Variants in PLA2G5 observed in about 807,000 individuals in gnomAD.
PLA2G5 encodes phospholipase A2 group V, also known as Ca2+-dependent phospholipase A2.
A neutral mutation model predicts 15.9 loss-of-function variants in PLA2G5; 12 were observed. The observed-to-expected ratio is 0.76, with a 90% CI of 0.48 to 1.23. The LOEUF is 1.23. PLA2G5 is among the 50% of genes most tolerant of loss of function. PLA2G5 has a pLI of 0.00. For synonymous variants in PLA2G5, 71 were observed against 71.4 expected (o/e 0.99, Z 0.03); for missense variants, 169 against 177.1 (o/e 0.95, Z 0.26).
At chr1:20,029,854 T>C (rs2012819712) in intron 1 of PLA2G5, among the ~76,000 whole-genome samples, 1 of 152,204 alleles carries the variant, frequency 6.6e-6, no homozygotes, top group Non-Finnish European at 1.5e-5. Flanking sequence ...GTGTGTATGT[T>C]CCTGACCAAC....
At chr1:20,086,011 G>A in intron 2 of PLA2G5, 72 bp from the exon 3 acceptor site, 1 of 1,513,814 alleles carries the variant, frequency 6.6e-7, no homozygotes, top group Non-Finnish European at 9.1e-7. Context: ...AAGGGTAGGA[G>A]ATGTTGGGCA....
At chr1:20,089,212 T>C (rs2016442959) in intron 3 of PLA2G5, among the ~76,000 whole-genome samples, 1 of 152,246 alleles carries the variant, frequency 6.6e-6, no homozygotes, top group Non-Finnish European at 1.5e-5. Context: ...AAAAAGACTG[T>C]ACATGTTTAG....
intron 1 of PLA2G5, among the ~76,000 whole-genome samples, chr1:20,078,643 A>G (rs2015830024): frequency 1.3e-5 from 2 of 152,148 alleles, no homozygotes. Flanking sequence ...CACTTCATAA[A>G]TATTTTTGAT....
At chr1:20,072,259 T>G (rs1007894040) in intron 1 of PLA2G5, among the ~76,000 whole-genome samples, 9 of 152,208 alleles carry the variant, frequency 5.9e-5, no homozygotes, top group African/African-American at 2.2e-4. Context: ...ACTTATTCGC[T>G]TGTCTATTTC....
At chr1:20,057,781 G>A (rs563819569) in intron 1 of PLA2G5, among the ~76,000 whole-genome samples, 22 of 152,304 alleles carry the variant, frequency 1.4e-4, no homozygotes, top group Middle Eastern at 3.4e-3. Context: ...TTACAGGCAT[G>A]AGCCACCGCA....
chr1:20,079,138 C>T (rs1404450171), intron 1 of PLA2G5, among the ~76,000 whole-genome samples: 2 of 141,592 alleles, frequency 1.4e-5, no homozygotes, highest in Admixed American at 1.4e-4. Flanking sequence ...AAAAAAAATC[C>T]AAGTCTTCTC....
intron 1 of PLA2G5, among the ~76,000 whole-genome samples, chr1:20,030,888 C>T (rs1223391988): frequency 6.6e-6 from 1 of 152,202 alleles, no homozygotes; most frequent in Non-Finnish European, 1.5e-5. Context: ...AGGGTTGGGG[C>T]TAAAGTTACA....
At chr1:20,087,276 A>G (rs556475658) in intron 3 of PLA2G5, among the ~76,000 whole-genome samples, 1 of 152,356 alleles carries the variant, frequency 6.6e-6, no homozygotes, top group East Asian at 1.9e-4. Flanking sequence ...GCAATCTGCT[A>G]CACCTAACAT....
chr1:20,059,362 T>G (rs1024633644), intron 1 of PLA2G5, among the ~76,000 whole-genome samples: 1 of 151,710 alleles, frequency 6.6e-6, no homozygotes, highest in Non-Finnish European at 1.5e-5. Context: ...TAGGACATCA[T>G]GGCTGCAGTG....
At chr1:20,063,933 T>C (rs2014878129) in intron 2 of PLA2G5, among the ~76,000 whole-genome samples, 1 of 152,190 alleles carries the variant, frequency 6.6e-6, no homozygotes, top group South Asian at 2.1e-4. Flanking sequence ...AAGCAGCATG[T>C]TCTTACTGAC....
chr1:20,057,735 G>T (rs186912705), intron 1 of PLA2G5, among the ~76,000 whole-genome samples: 2 of 152,172 alleles, frequency 1.3e-5, no homozygotes, highest in African/African-American at 4.8e-5. Flanking sequence ...CTGACCTCAG[G>T]TGATTCACCT....
intron 1 of PLA2G5, among the ~76,000 whole-genome samples, chr1:20,030,818 C>T (rs1424236151): frequency 6.6e-6 from 1 of 152,190 alleles, no homozygotes; most frequent in Non-Finnish European, 1.5e-5. Context: ...CAAAGGACAT[C>T]CTGCACAGCC....
intron 1 of PLA2G5, among the ~76,000 whole-genome samples, chr1:20,035,796 G>A (rs936208481): frequency 4.6e-5 from 7 of 152,066 alleles, no homozygotes; most frequent in Non-Finnish European, 7.4e-5. Context: ...TTTTTATTTT[G>A]TTTTTTTATT....
chr1:20,044,463 C>T (rs1434506747), intron 1 of PLA2G5, among the ~76,000 whole-genome samples: 1 of 152,110 alleles, frequency 6.6e-6, no homozygotes, highest in Admixed American at 6.6e-5. Flanking sequence ...AATAAGACAG[C>T]CTTCTGGTCC....
chr1:20,058,939 C>T (rs1417660485), intron 1 of PLA2G5, among the ~76,000 whole-genome samples: 10 of 151,852 alleles, frequency 6.6e-5, no homozygotes, highest in Non-Finnish European at 1.3e-4. Context: ...TTTGGGAGGC[C>T]GAGATGGGAG....
chr1:20,033,769 G>A (rs2013096449), intron 1 of PLA2G5, among the ~76,000 whole-genome samples: 1 of 152,016 alleles, frequency 6.6e-6, no homozygotes, highest in Non-Finnish European at 1.5e-5. Context: ...TCATTAAAAG[G>A]GCATTTTTTT....
chr1:20,068,043 T>C (rs916329525), upstream of PLA2G5, among the ~76,000 whole-genome samples: 1 of 151,824 alleles, frequency 6.6e-6, no homozygotes, highest in African/African-American at 2.4e-5. Flanking sequence ...CGCTTGAACC[T>C]GGGAGTGGAG....
intron 1 of PLA2G5, among the ~76,000 whole-genome samples, chr1:20,059,480 T>A (rs951518829): frequency 7.2e-5 from 11 of 152,002 alleles, no homozygotes; most frequent in Non-Finnish European, 1.2e-4. Flanking sequence ...TTCATGCTAC[T>A]GAACAATAGG....
At chr1:20,039,670 G>GGAGAGA (rs142706440) in intron 1 of PLA2G5, among the ~76,000 whole-genome samples, 1 of 149,622 alleles carries the variant, frequency 6.7e-6, no homozygotes, top group Non-Finnish European at 1.5e-5. Flanking sequence ...GAGGGGAAGT[G>GGAGAGA]GAGAGAGAGA....
Sources: allele counts gnomAD v4.1 joint callset (sites outside exome capture counted in the v4.1 genomes callset), GRCh38; gene constraint gnomAD v4.1.1; transcripts MANE v1.5; gene names NCBI Gene and HGNC (gene_info 2026-07-23, HGNC 2026-07-21).